The following RAP1GAP2 variants were observed in gnomAD, a reference collection of about 807,000 sequenced individuals.
RAP1GAP2 encodes the protein rap1 GTPase-activating protein 2.
In RAP1GAP2, 27 loss-of-function variants were observed where a neutral mutation model predicts 95.0. The ratio of observed to expected loss-of-function variants is 0.28; its 90% confidence interval spans 0.21 to 0.39. The LOEUF (loss-of-function observed/expected upper bound fraction) is 0.39, where lower values mean the gene tolerates loss of function less well. Ranked by LOEUF, RAP1GAP2 falls within the 10% of genes least tolerant of loss-of-function variation. The probability of loss-of-function intolerance (pLI) is 1.00; values close to 1 mark genes in which losing one functional copy is unlikely to be tolerated. For synonymous variants in RAP1GAP2, 373 were observed against 380.9 expected (o/e 0.98, Z 0.24); for missense variants, 771 against 970.0 (o/e 0.79, Z 2.72).
intron 3 of RAP1GAP2, among the ~76,000 whole-genome samples, chr17:2,918,541 CTT>C (rs1352807578): frequency 1.3e-5 from 2 of 151,142 alleles, no homozygotes; most frequent in African/African-American, 2.4e-5. Flanking sequence ...CCTCAGGAAA[CTT>C]TTATTCATGG....
At chr17:2,767,500 A>C (rs544226285) in intron 1 of RAP1GAP2, among the ~76,000 whole-genome samples, 3 of 148,234 alleles carry the variant, frequency 2.0e-5, no homozygotes, top group Non-Finnish European at 4.4e-5. Context: ...GGTGACTTTT[A>C]TTAGCTTTTG....
At chr17:2,774,452 G>A (rs570118898), upstream of RAP1GAP2, among the ~76,000 whole-genome samples, 1 of 151,060 alleles carries the variant, frequency 6.6e-6, no homozygotes, top group East Asian at 2.0e-4. Flanking sequence ...TAGGACTATG[G>A]GACTATGGGC....
chr17:2,865,660 G>A (rs1485324140), intron 2 of RAP1GAP2, among the ~76,000 whole-genome samples: 2 of 152,214 alleles, frequency 1.3e-5, no homozygotes, highest in Non-Finnish European at 2.9e-5. Context: ...AAATGTGCCA[G>A]GAAGGGCTTT....
intron 4 of RAP1GAP2, among the ~76,000 whole-genome samples, chr17:2,958,270 T>G (rs760737986): frequency 2.0e-5 from 3 of 152,150 alleles, no homozygotes; most frequent in Non-Finnish European, 4.4e-5. Flanking sequence ...TAAGAATGAA[T>G]GCACCCACTT....
chr17:2,799,315 A>G (rs1475774526), intron 1 of RAP1GAP2, among the ~76,000 whole-genome samples: 1 of 152,160 alleles, frequency 6.6e-6, no homozygotes, highest in Non-Finnish European at 1.5e-5. Context: ...TGAGGAAGAA[A>G]CTGGGAGAGA....
At chr17:2,848,591 T>C (rs2071688364) in intron 2 of RAP1GAP2, among the ~76,000 whole-genome samples, 3 of 151,840 alleles carry the variant, frequency 2.0e-5, no homozygotes, top group Admixed American at 1.3e-4. Flanking sequence ...CTCAGCTCAC[T>C]ACAACCTCCG....
intron 2 of RAP1GAP2, among the ~76,000 whole-genome samples, chr17:2,802,468 G>A (rs915125036): frequency 6.6e-6 from 1 of 152,172 alleles, no homozygotes; most frequent in African/African-American, 2.4e-5. Flanking sequence ...CCAGTACTTT[G>A]GGAGGCCAAG....
chr17:2,970,294 A>T (rs2317464), intron 8 of RAP1GAP2, among the ~76,000 whole-genome samples: 44,821 of 115,730 alleles, frequency 0.39, 9,629 homozygotes, highest in African/African-American at 0.56. Flanking sequence ...AAAAAAAAAA[A>T]AATAATAATA....
At chr17:2,799,514 G>A (rs543800408) in intron 1 of RAP1GAP2, among the ~76,000 whole-genome samples, 1 of 152,160 alleles carries the variant, frequency 6.6e-6, no homozygotes, top group Admixed American at 6.5e-5. Flanking sequence ...CTGAGGCAGC[G>A]CTGGGCTGGC....
At chr17:2,932,012 C>A (rs182774080) in intron 3 of RAP1GAP2, among the ~76,000 whole-genome samples, 3 of 152,344 alleles carry the variant, frequency 2.0e-5, no homozygotes, top group South Asian at 2.1e-4. Flanking sequence ...ATATTCAGTT[C>A]TCAGTCCGGC....
In RAP1GAP2 at chr17:3,005,530, G is replaced by GCTGGGAACATTAGGGAGCTCCTTTT; in HGVS notation, c.1272+91_1272+115dup. ...ATGGTTGGGATGGAGCCAAATTCAG[G>GCTGGGAACATTAGGGAGCTCCTTTT]CTGGGAACATTAGGGAGCTCCTTTT... On this transcript the variant is annotated intron_variant, in intron 15 of 24. Transcript: ENST00000254695. The surrounding 1 kb of genome is among the most constrained non-coding windows in gnomAD (Gnocchi z 5.2). The GCTGGGAACATTAGGGAGCTCCTTTT allele has an allele frequency of 7.0e-7, 1 of 1,425,138 alleles. No individual in the cohort carries two copies. The highest frequency in any genetic ancestry group is 9.9e-7 in the Non-Finnish European group (1 of 1,008,152). The allele number at this position is 1,425,138 out of a possible 1,614,324, so 88.3% of individuals were successfully genotyped here. A position where few individuals can be genotyped will look rare whatever the true frequency, so the allele number is the denominator to read the frequency against.
chr17:2,757,395 T>C (rs952550552), intron 1 of RAP1GAP2, among the ~76,000 whole-genome samples: 2 of 152,224 alleles, frequency 1.3e-5, no homozygotes, highest in Non-Finnish European at 1.5e-5. Context: ...GTGCTGGGAT[T>C]ACAGGCATGA....
At chr17:2,999,675 G>A (rs1272383851) in intron 14 of RAP1GAP2, among the ~76,000 whole-genome samples, 5 of 152,096 alleles carry the variant, frequency 3.3e-5, no homozygotes, top group Admixed American at 6.6e-5. Flanking sequence ...GGCTGGGCAC[G>A]GTGGCGTACG....
In RAP1GAP2 at chr17:2,920,482, C is replaced by T. The variant is rs1267495492; in HGVS notation, c.165+15114C>T. On this transcript the variant is annotated intron_variant, in intron 3 of 24. Coordinates refer to ENST00000254695, the MANE Select transcript of RAP1GAP2 (RefSeq NM_015085.5). Reference sequence around the variant, plus strand: ...CATCCCTGCCTGTTTTCAGGCCCTGCCTCCCCCGCTGGATGGTGCTGGGTC... The same window carrying T: ...CATCCCTGCCTGTTTTCAGGCCCTGTCTCCCCCGCTGGATGGTGCTGGGTC... Among the ~76,000 whole-genome samples the T allele has an allele frequency of 2.0e-5, 3 of 152,216 alleles. No homozygotes were observed. The East Asian group carries it at 5.8e-4, about 29-fold the overall frequency.
At chr17:2,771,801 G>C (rs57385689) in intron 2 of RAP1GAP2, among the ~76,000 whole-genome samples, 1 of 152,008 alleles carries the variant, frequency 6.6e-6, no homozygotes, top group South Asian at 2.1e-4. Flanking sequence ...CATAACTTCA[G>C]ATTTCATACA....
At chr17:2,889,965 C>T (rs1214158530) in intron 2 of RAP1GAP2, among the ~76,000 whole-genome samples, 1 of 145,546 alleles carries the variant, frequency 6.9e-6, no homozygotes, top group Admixed American at 7.1e-5. Flanking sequence ...CTCAAGTGAT[C>T]CGCCCGCTTT....
intron 8 of RAP1GAP2, among the ~76,000 whole-genome samples, chr17:2,967,152 A>C (rs1989145): frequency 0.3 from 45,279 of 151,822 alleles, 7,638 homozygotes; most frequent in Admixed American, 0.47. Flanking sequence ...GTGGATCACG[A>C]GGTCAGGAGA....
chr17:3,019,938 C>T (rs894397820), intron 18 of RAP1GAP2, among the ~76,000 whole-genome samples: 1 of 152,248 alleles, frequency 6.6e-6, no homozygotes, highest in African/African-American at 2.4e-5. Context: ...TCTTGGCTGC[C>T]GCCAACCGCC....
rs55904912 is a variant in RAP1GAP2, at chr17:3,026,098, G to A, written c.1842G>A (p.Pro614=). The A allele has an allele frequency of 0.42, 684,103 of 1,610,094 alleles. 148,468 individuals are homozygous for A. Among genetic ancestry groups the A allele is most frequent in the East Asian group, 0.56 (25,075 of 44,796 alleles). Residue 614 remains proline (P), a synonymous_variant, in exon 20 of 25, where the codon CCG becomes CCA. Coordinates refer to ENST00000254695, the MANE Select transcript of RAP1GAP2 (RefSeq NM_015085.5). ...KSETSSNPSS[P]EICPNKEKPF... is the part of the protein sequence containing the mutation. ...AGACCTCATCCAATCCCAGCTCTCCGGAAATCTGCCCCAACAAGGAGAAGT... is the reference window on the plus strand; with the variant it reads ...AGACCTCATCCAATCCCAGCTCTCCAGAAATCTGCCCCAACAAGGAGAAGT...
Sources: gnomAD v4.1 joint callset for allele counts (sites outside exome capture counted in the v4.1 genomes callset) on GRCh38, gnomAD v4.1.1 for gene constraint, Gnocchi (gnomAD v3.1) non-coding constraint, MANE v1.5 for transcripts, NCBI Gene and HGNC (gene_info 2026-07-23, HGNC 2026-07-21) for gene names.